Variants in FLNB observed in about 807,000 individuals in gnomAD.
FLNB encodes the protein filamin B.
A neutral mutation model predicts 250.6 loss-of-function variants in FLNB; 111 were observed. That is an observed-to-expected ratio of 0.44 (90% CI 0.38 to 0.52). The LOEUF is 0.52. Ranked by LOEUF, FLNB falls within the 20% of genes least tolerant of loss-of-function variation. FLNB has a pLI of 0.00. For missense variants in FLNB, 2,869 were observed against 3,447.8 expected (o/e 0.83, Z 4.20); for synonymous variants, 1,302 against 1,372.1 (o/e 0.95, Z 1.13).
Position 58,105,173 on chromosome 3 carries a change from G to A in FLNB, c.1704G>A (p.Ala568=), listed in dbSNP as rs139001948. Residue 568 remains alanine (A), a synonymous_variant, in exon 11 of 46, where the codon GCG becomes GCA. Coordinates refer to ENST00000295956, the MANE Select transcript of FLNB (RefSeq NM_001457.4). ...ATGGTGGGATTGTCGGGCGGTCAGC[G>A]GACTTCGTGGTAGAATCCATTGGCT... The part of the protein sequence containing the change: ...GLHGGIVGRS[A]DFVVESIGSE... The A allele has an allele frequency of 4.4e-4, 715 of 1,614,206 alleles. 1 individual carries two copies. The highest frequency in any genetic ancestry group is 4.0e-4 in the Non-Finnish European group (470 of 1,180,050).
chr3:58,010,781 C>G (rs1359240448), intron 1 of FLNB, among the ~76,000 whole-genome samples: 1 of 152,156 alleles, frequency 6.6e-6, no homozygotes, highest in African/African-American at 2.4e-5. Context: ...CACAGACTGC[C>G]TGATCTACCC....
intron 36 of FLNB, 135 bp downstream of exon 36, chr3:58,148,987 A>G (rs1347430902): frequency 7.5e-6 from 6 of 800,332 alleles, no homozygotes; most frequent in Non-Finnish European, 1.3e-5. Flanking sequence ...TTCTGCCTGC[A>G]TTGTCTTTTA....
chr3:58,147,554 T>A (rs1575458500), intron 34 of FLNB, among the ~76,000 whole-genome samples: 2 of 152,216 alleles, frequency 1.3e-5, no homozygotes, highest in East Asian at 1.9e-4. Flanking sequence ...TAGACCTGTC[T>A]GTGAAGCAGC....
At chr3:58,014,302 G>A (rs375485645) in intron 1 of FLNB, among the ~76,000 whole-genome samples, 17 of 152,160 alleles carry the variant, frequency 1.1e-4, no homozygotes, top group African/African-American at 4.1e-4. Flanking sequence ...CTTGAAAGGG[G>A]CTGCCCCCTG....
rs767473369 is a variant in FLNB at position 58,148,861 on chromosome 3, G to A, written c.6091+9G>A. The A allele has an allele frequency of 1.2e-6, 2 of 1,609,526 alleles. No homozygotes were observed. Among genetic ancestry groups the A allele is most frequent in the Admixed American group, 1.7e-5 (1 of 60,014 alleles). The stretch of plus-strand genomic sequence containing the variant: ...GGACACAAGGGATGCAGGTCTGTGT[G>A]GTCCCAGGGGAGAGGCCCAGAGCTT... On this transcript the variant is annotated intron_variant, in intron 36 of 45. Transcript: ENST00000295956.
chr3:58,054,184 T>C (rs2097166876), intron 1 of FLNB, among the ~76,000 whole-genome samples: 1 of 152,144 alleles, frequency 6.6e-6, no homozygotes, highest in African/African-American at 2.4e-5. Context: ...CTGGCTGGGT[T>C]CTAAAGAACC....
intron 1 of FLNB, among the ~76,000 whole-genome samples, chr3:58,069,370 G>C (rs771577906): frequency 6.6e-6 from 1 of 151,200 alleles, no homozygotes; most frequent in African/African-American, 2.4e-5. Flanking sequence ...CTCCCAAGTA[G>C]CTGGGATTAC....
rs143005300 is a variant in FLNB, at chr3:58,159,593, A to G, written c.6928A>G (p.Ile2310Val). The G allele has an allele frequency of 6.8e-5, 110 of 1,614,072 alleles. No individual in the cohort carries two copies. In the African/African-American group the frequency reaches 1.3e-3, roughly 19 times the overall value. ...AGTTAACCAGCCAGCATCCTTTGCT[A>G]TAAGGTTGAATGGCGCAAAAGGCAA... ...LKVNQPASFAIRLNGAKGKID... is the reference protein window; with the variant it reads ...LKVNQPASFAVRLNGAKGKID... The change falls in exon 42 of 46, where the codon ATA (isoleucine) becomes GTA (valine). Residue 2310 changes from isoleucine to valine, a missense_variant. Ile to Val is a conservative substitution (Grantham distance 29, BLOSUM62 3). Around this residue, in one of 5 missense-constraint regions of FLNB, gnomAD observed 1,084 missense variants for 1,315.5 expected, o/e 0.82. Transcript: ENST00000295956.
intron 32 of FLNB, among the ~76,000 whole-genome samples, chr3:58,144,736 A>G (rs1256396504): frequency 6.6e-6 from 1 of 152,218 alleles, no homozygotes; most frequent in African/African-American, 2.4e-5. Flanking sequence ...GGAGAAGAGC[A>G]CCTTCTTTTC....
At chr3:58,098,196 T>C (rs2097242461) in intron 7 of FLNB, among the ~76,000 whole-genome samples, 1 of 152,246 alleles carries the variant, frequency 6.6e-6, no homozygotes, top group Non-Finnish European at 1.5e-5. Context: ...TCTTGAATTG[T>C]TGGCTTCTTT....
chr3:58,092,729 C>A (rs1442592009), intron 4 of FLNB, among the ~76,000 whole-genome samples: 3 of 152,100 alleles, frequency 2.0e-5, no homozygotes, highest in African/African-American at 7.2e-5. Context: ...GGCATTTATC[C>A]CAGAGGAATG....
At chr3:58,066,540 C>A (rs1233915593) in intron 1 of FLNB, among the ~76,000 whole-genome samples, 1 of 152,162 alleles carries the variant, frequency 6.6e-6, no homozygotes, top group East Asian at 1.9e-4. Flanking sequence ...CTTCTTCGAC[C>A]TTTCTAACAA....
chr3:58,010,463 C>G (rs1309633787), intron 1 of FLNB, among the ~76,000 whole-genome samples: 1 of 152,164 alleles, frequency 6.6e-6, no homozygotes, highest in East Asian at 1.9e-4. Flanking sequence ...CTCCCCCTCC[C>G]CAAGGGTGGC....
rs143229046 is a variant in FLNB at position 58,085,815 on chromosome 3, C to T, written c.787+4039C>T. On this transcript the variant is annotated intron_variant, in intron 4 of 45. Transcript: ENST00000295956. ...TCTCCTTTCATGGTAAGCAAAGCTC[C>T]GCAGAAGTTTACAGAGTTGGGGTGT... 3.0e-3 allele frequency among the ~76,000 whole-genome samples: 456 copies of T among 152,250 alleles called. 1 individual carries two copies. Among genetic ancestry groups the T allele is most frequent in the African/African-American group, 0.01 (433 of 41,546 alleles).
chr3:58,102,518 C>T (rs1316288961), intron 9 of FLNB, among the ~76,000 whole-genome samples, 178 bp downstream of exon 9: 5 of 152,208 alleles, frequency 3.3e-5, no homozygotes, highest in African/African-American at 1.2e-4. Context: ...AATGTCTGCC[C>T]TGGATGCGGC....
intron 18 of FLNB, among the ~76,000 whole-genome samples, chr3:58,117,946 G>C (rs1220355455): frequency 6.6e-6 from 1 of 152,184 alleles, no homozygotes; most frequent in Admixed American, 6.5e-5. Flanking sequence ...TTCTTGGGGG[G>C]AACTCGTCTC....
At chr3:58,085,663 T>G (rs2097216236) in intron 4 of FLNB, among the ~76,000 whole-genome samples, 1 of 152,222 alleles carries the variant, frequency 6.6e-6, no homozygotes, top group African/African-American at 2.4e-5. Context: ...CAGGGTTAGC[T>G]ATGTGAAAAG....
rs1159079729 is a variant in FLNB at position 58,112,316 on chromosome 3, C to T, written c.2743C>T (p.Gln915Ter). The change falls in exon 18 of 46, where the codon CAG becomes TAG. Residue 915 changes from glutamine to a stop codon, truncating the protein, a stop_gained and splice_region_variant. Coordinates refer to ENST00000295956, the MANE Select transcript of FLNB (RefSeq NM_001457.4). LOFTEE classifies it high-confidence loss of function. Reference sequence around the variant, plus strand: ...CACGGTTAAATATACACCCACCCAACAGGTAGGGTCCTTCTCCCCTCTGCT... The same window carrying T: ...CACGGTTAAATATACACCCACCCAATAGGTAGGGTCCTTCTCCCCTCTGCT... ...SHTVKYTPTQ[Q>*]GNMQVLVTYG... 6.2e-7 allele frequency: 1 copy of T among 1,612,904 alleles called. No individual in the cohort carries two copies. The highest frequency in any genetic ancestry group is 8.5e-7 in the Non-Finnish European group (1 of 1,179,772).
intron 9 of FLNB, 126 bp downstream of exon 9, chr3:58,102,466 G>A (rs1390629229): frequency 8.3e-6 from 9 of 1,084,720 alleles, no homozygotes; most frequent in South Asian, 1.3e-5. Context: ...AGGATTTGAG[G>A]CTATCTGGGC....
Sources: allele counts gnomAD v4.1 joint callset (sites outside exome capture counted in the v4.1 genomes callset), GRCh38; gene constraint gnomAD v4.1.1; regional missense constraint gnomAD v4.1.1; transcripts MANE v1.5; gene names NCBI Gene and HGNC (gene_info 2026-07-23, HGNC 2026-07-21).